The following TANC1 variants were observed in gnomAD, a reference collection of about 807,000 sequenced individuals.
The protein encoded by TANC1 is protein TANC1.
TANC1 carries 77 observed loss-of-function variants against 149.7 expected under a neutral mutation model. The ratio of observed to expected loss-of-function variants is 0.51; its 90% CI spans 0.43 to 0.62. The LOEUF is 0.62. Ranked by LOEUF, TANC1 falls within the 20% of genes least tolerant of loss-of-function variation. TANC1 has a pLI of 0.00. For missense variants in TANC1, 1,985 were observed against 2,321.8 expected (o/e 0.85, Z 2.98); for synonymous variants, 854 against 925.0 (o/e 0.92, Z 1.39).
Position 159,150,474 on chromosome 2 carries a change from C to T in TANC1, c.600C>T (p.Ser200=), listed in dbSNP as rs1362556739. The T allele has an allele frequency of 6.2e-7, 1 of 1,614,098 alleles. No individual in the cohort carries two copies. The highest frequency in any genetic ancestry group is 2.2e-5 in the East Asian group (1 of 44,878). The change falls in exon 7 of 27, where the codon AGC becomes AGT. Residue 200 remains serine, a synonymous_variant. Transcript: ENST00000263635. ...GCTCAACCTTGAATAGCTGTGTCAG[C>T]AAGACGGCAGCCAACAAAAGTCCCT... The part of the protein sequence containing the change: ...SPCSTLNSCV[S]KTAANKSPCE...
At chr2:159,067,617 G>C (rs932232779) in intron 3 of TANC1, among the ~76,000 whole-genome samples, 1 of 152,154 alleles carries the variant, frequency 6.6e-6, no homozygotes, top group Non-Finnish European at 1.5e-5. Flanking sequence ...TGGCTCATCT[G>C]TCACCAATCA....
At chr2:159,183,349 C>T (rs577780784) in intron 14 of TANC1, among the ~76,000 whole-genome samples, 3 of 152,224 alleles carry the variant, frequency 2.0e-5, no homozygotes, top group East Asian at 1.9e-4. Context: ...AGCGCCAGGG[C>T]GGGTCGGCAG....
intron 4 of TANC1, among the ~76,000 whole-genome samples, chr2:159,117,775 G>A (rs903906249): frequency 7.0e-6 from 1 of 143,122 alleles, no homozygotes; most frequent in Non-Finnish European, 1.5e-5. Flanking sequence ...GTATCCGAGA[G>A]GACACCATAT....
At chr2:159,180,992 AAATGGTAGCATT>A (rs1559408781) in intron 14 of TANC1, among the ~76,000 whole-genome samples, 2 of 152,176 alleles carry the variant, frequency 1.3e-5, no homozygotes, top group Non-Finnish European at 2.9e-5. Flanking sequence ...GGGCCTCGAA[AAATGGTAGCATT>A]TCTTCCCCAA....
At chr2:159,018,910 A>G (rs1176569154) in intron 2 of TANC1, among the ~76,000 whole-genome samples, 1 of 152,246 alleles carries the variant, frequency 6.6e-6, no homozygotes, top group East Asian at 1.9e-4. Flanking sequence ...CAGAAATTTG[A>G]AACTCTTATT....
intron 16 of TANC1, among the ~76,000 whole-genome samples, chr2:159,190,141 G>A (rs916918310): frequency 6.6e-6 from 1 of 152,186 alleles, no homozygotes; most frequent in Non-Finnish European, 1.5e-5. Context: ...GCATGCTGCT[G>A]TTTTCTTAGG....
chr2:159,046,052 G>C (rs1194711312), intron 2 of TANC1, among the ~76,000 whole-genome samples: 2 of 152,002 alleles, frequency 1.3e-5, no homozygotes, highest in Admixed American at 1.3e-4. Flanking sequence ...AGCAATTTAA[G>C]TGTATTGCCC....
chr2:159,003,299 G>C (rs1164458738), intron 2 of TANC1, among the ~76,000 whole-genome samples: 1 of 152,220 alleles, frequency 6.6e-6, no homozygotes, highest in African/African-American at 2.4e-5. Context: ...CTAAGGTAAT[G>C]TTAAGAGAGG....
chr2:158,970,459 A>G (rs573608490), intron 1 of TANC1, among the ~76,000 whole-genome samples: 1 of 152,156 alleles, frequency 6.6e-6, no homozygotes, highest in Admixed American at 6.5e-5. Context: ...AGCGGCTGAG[A>G]CTACTTCATT....
At chr2:159,152,370 C>T (rs547962430) in intron 7 of TANC1, among the ~76,000 whole-genome samples, 1 of 151,838 alleles carries the variant, frequency 6.6e-6, no homozygotes, top group Non-Finnish European at 1.5e-5. Flanking sequence ...GATAGTTTAT[C>T]TTCAAGGATG....
intron 2 of TANC1, among the ~76,000 whole-genome samples, chr2:159,032,298 G>A (rs983838951): frequency 3.3e-5 from 5 of 152,198 alleles, no homozygotes; most frequent in Non-Finnish European, 5.9e-5. Context: ...CCTGGTTTCC[G>A]TTGGTGTTAG....
At chr2:159,064,379 G>T (rs1004810711) in intron 2 of TANC1, among the ~76,000 whole-genome samples, 17 of 152,338 alleles carry the variant, frequency 1.1e-4, no homozygotes, top group South Asian at 1.0e-3. Context: ...TGTGTAAGAT[G>T]ATTTTACTCC....
At chr2:159,154,465 C>G (rs987905616) in intron 7 of TANC1, among the ~76,000 whole-genome samples, 11 of 152,106 alleles carry the variant, frequency 7.2e-5, no homozygotes, top group African/African-American at 2.7e-4. Context: ...GTTTCCACTG[C>G]TTAGGAGGAG....
At chr2:159,219,949 A>T in intron 22 of TANC1, 82 bp downstream of exon 22, 7 of 1,283,994 alleles carry the variant, frequency 5.5e-6, no homozygotes, top group East Asian at 2.7e-5. Flanking sequence ...CAGGGCCTGC[A>T]TGAGGTTGTG....
At chr2:159,120,039 C>T (rs1442171843) in intron 4 of TANC1, among the ~76,000 whole-genome samples, 1 of 152,136 alleles carries the variant, frequency 6.6e-6, no homozygotes, top group Non-Finnish European at 1.5e-5. Context: ...TGTTAGAGGC[C>T]CCTTGCATGT....
intron 1 of TANC1, among the ~76,000 whole-genome samples, chr2:158,977,760 C>T (rs950164757): frequency 2.6e-5 from 4 of 152,072 alleles, no homozygotes; most frequent in African/African-American, 9.7e-5. Flanking sequence ...GTAGCTGTCC[C>T]TGTTTTATTC....
chr2:159,208,716 C>T (rs1301263941), intron 19 of TANC1, among the ~76,000 whole-genome samples: 1 of 152,204 alleles, frequency 6.6e-6, no homozygotes, highest in Non-Finnish European at 1.5e-5. Context: ...GGAGATCTGG[C>T]CCTCCTGGGA....
chr2:159,077,855 A>G (rs148091463), intron 3 of TANC1, among the ~76,000 whole-genome samples: 70 of 152,310 alleles, frequency 4.6e-4, no homozygotes, highest in African/African-American at 1.6e-3. Context: ...TGTTCATTTA[A>G]AACTTTTCTA....
In TANC1 at chr2:159,016,825, T is replaced by C. The variant is rs535930579; in HGVS notation, c.-16+15636T>C. On this transcript the variant is annotated intron_variant, in intron 2 of 26. Coordinates refer to ENST00000263635, the MANE Select transcript of TANC1 (RefSeq NM_033394.3). ...TCCTGACCTTGTGATCTGCCCGCCTTGGCCTCCCAAAGTGCTGGGATTACA... is the reference window on the plus strand; with the variant it reads ...TCCTGACCTTGTGATCTGCCCGCCTCGGCCTCCCAAAGTGCTGGGATTACA... Among the ~76,000 whole-genome samples, 13 of 152,222 alleles carry C rather than the reference T, an allele frequency of 8.5e-5. No homozygotes were observed. In the East Asian group the frequency reaches 9.7e-4, roughly 11 times the overall value.
Sources: gnomAD v4.1 joint callset for allele counts (sites outside exome capture counted in the v4.1 genomes callset) on GRCh38, gnomAD v4.1.1 for gene constraint, MANE v1.5 for transcripts, NCBI Gene and HGNC (gene_info 2026-07-23, HGNC 2026-07-21) for gene names.